The following TTF1 variants were observed in gnomAD, a reference collection of about 807,000 sequenced individuals.
TTF1 encodes the protein transcription termination factor 1.
A neutral mutation model predicts 80.2 loss-of-function variants in TTF1; 64 were observed. That is an observed-to-expected ratio of 0.80 (90% confidence interval 0.65 to 0.98). The LOEUF (loss-of-function observed/expected upper bound fraction) is 0.98, where lower values mean the gene tolerates loss of function less well. Ranked by LOEUF, TTF1 falls within the 50% of genes least tolerant of loss-of-function variation. TTF1 has a pLI of 0.00. For missense variants in TTF1, 1,023 were observed against 1,086.2 expected, an observed-to-expected ratio of 0.94 and a Z score of 0.82; for synonymous variants, 372 against 382.7, an observed-to-expected ratio of 0.97 and a Z score of 0.33.
intron 9 of TTF1, among the ~76,000 whole-genome samples, chr9:132,381,474 A>C (rs984781170): frequency 6.6e-6 from 1 of 152,166 alleles, no homozygotes; most frequent in Admixed American, 6.5e-5. Flanking sequence ...ACAGGCGTGA[A>C]TCACCACGCC....
intron 5 of TTF1, among the ~76,000 whole-genome samples, chr9:132,395,915 C>CA (rs1411340994): frequency 2.6e-5 from 4 of 152,148 alleles, no homozygotes; most frequent in African/African-American, 9.7e-5. Context: ...GTGTTGGAAA[C>CA]AAATTATAAT....
In TTF1 at chr9:132,390,816, GCAC is replaced by G; in HGVS notation, c.2000_2002del (p.Gly667del). 6.2e-7 allele frequency: 1 copy of G among 1,613,874 alleles called. No individual in the cohort carries two copies. Among genetic ancestry groups the G allele is most frequent in the Non-Finnish European group, 8.5e-7 (1 of 1,179,946 alleles). ...TTTCCGGGTTTCAGACTTACTCCAAGCACCACGATTTCTTTCTGTAGATATAAA... is the reference window on the plus strand; with the variant it reads ...TTTCCGGGTTTCAGACTTACTCCAAGCACGATTTCTTTCTGTAGATATAAA... On this transcript the variant is annotated inframe_deletion, in exon 7 of 11. Coordinates refer to ENST00000334270, the MANE Select transcript of TTF1 (RefSeq NM_007344.4).
At chr9:132,393,935 T>C (rs532598718) in intron 5 of TTF1, among the ~76,000 whole-genome samples, 3 of 152,064 alleles carry the variant, frequency 2.0e-5, no homozygotes, top group East Asian at 1.9e-4. Flanking sequence ...TTTTTTTTTT[T>C]CTTTGAGACA....
At position 132,390,662 on chromosome 9, in the gene TTF1, G is replaced by A. The variant is rs760662929; in HGVS notation, c.2157C>T (p.Gly719=). ...TAGCTTCTACTTCTACCCAAGATAT[G>A]CCCTTGTAGAGTTTTTCCCGAACAA... ...LSIVREKLYK[G]ISWVEVEAKV... Residue 719 remains glycine (G), a synonymous_variant, in exon 7 of 11, where the codon GGC becomes GGT. Coordinates refer to ENST00000334270, the MANE Select transcript of TTF1 (RefSeq NM_007344.4). 1.2e-6 allele frequency: 2 copies of A among 1,614,174 alleles called. No homozygotes were observed. Among genetic ancestry groups the A allele is most frequent in the Non-Finnish European group, 1.7e-6 (2 of 1,180,044 alleles).
At chr9:132,399,393 G>T (rs1849718060) in intron 3 of TTF1, among the ~76,000 whole-genome samples, 1 of 151,860 alleles carries the variant, frequency 6.6e-6, no homozygotes, top group Admixed American at 6.6e-5. Flanking sequence ...GGAAGGTTAT[G>T]ACTCCTCTTT....
At chr9:132,398,421 C>A in intron 3 of TTF1, 95 bp from the exon 4 acceptor site, 1 of 1,302,456 alleles carries the variant, frequency 7.7e-7, no homozygotes, top group East Asian at 2.5e-5. Context: ...GACAGTACCT[C>A]GGCCCAACAG....
chr9:132,388,035 G>C (rs1427215085), intron 8 of TTF1, 104 bp downstream of exon 8: 5 of 798,616 alleles, frequency 6.3e-6, no homozygotes, highest in Non-Finnish European at 1.0e-5. Context: ...GCTGGAACAG[G>C]GATTTGGACC....
chr9:132,390,514 A>G (rs756304185), intron 7 of TTF1, 83 bp downstream of exon 7: 2 of 1,355,336 alleles, frequency 1.5e-6, no homozygotes, highest in Non-Finnish European at 1.0e-6. Context: ...CAGCTTCCCC[A>G]CGGCAGTTAC....
chr9:132,380,280 T>C lies in TTF1; in HGVS notation c.2379-1136A>G, dbSNP rs142937035. Among the ~76,000 whole-genome samples the C allele has an allele frequency of 3.4e-3, 520 of 152,280 alleles. 2 individuals carry two copies. The highest frequency in any genetic ancestry group is 4.7e-3 in the Non-Finnish European group (318 of 68,018). On this transcript the variant is annotated intron_variant, in intron 9 of 10. Coordinates refer to ENST00000334270, the MANE Select transcript of TTF1 (RefSeq NM_007344.4). ...TTTTAGTAAAGATAGGGCTTCACCA[T>C]GCTGGCCAGACTGGTCTTGAACTCC... is the stretch of plus-strand genomic sequence containing the variant.
intron 4 of TTF1, among the ~76,000 whole-genome samples, chr9:132,397,556 A>G (rs1192234262): frequency 1.3e-5 from 2 of 152,228 alleles, no homozygotes; most frequent in African/African-American, 4.8e-5. Flanking sequence ...ACAAAATATA[A>G]ATAAGGAACA....
chr9:132,393,687 T>G (rs976238990), intron 5 of TTF1, among the ~76,000 whole-genome samples: 1 of 152,220 alleles, frequency 6.6e-6, no homozygotes, highest in African/African-American at 2.4e-5. Context: ...TTTCTGTGTG[T>G]GTGTCTTTAA....
intron 10 of TTF1, among the ~76,000 whole-genome samples, chr9:132,377,303 GGTGTGAGTGCATGTGGT>G (rs1564180911): frequency 3.8e-5 from 5 of 130,190 alleles, no homozygotes; most frequent in Non-Finnish European, 1.6e-5. Context: ...GAATGCATGT[GGTGTGAGTGCATGTGGT>G]GTGTGTGTGA....
At chr9:132,385,626 C>A (rs1849452439) in intron 9 of TTF1, among the ~76,000 whole-genome samples, 2 of 152,228 alleles carry the variant, frequency 1.3e-5, no homozygotes, top group Admixed American at 6.5e-5. Flanking sequence ...TACCCTGCCA[C>A]CGCTTCTGCT....
intron 9 of TTF1, among the ~76,000 whole-genome samples, chr9:132,383,193 A>G (rs1849401341): frequency 6.6e-6 from 1 of 150,566 alleles, no homozygotes; most frequent in Admixed American, 6.6e-5. Flanking sequence ...GGGTGCAGTG[A>G]GCTGAGATCA....
intron 5 of TTF1, among the ~76,000 whole-genome samples, chr9:132,393,757 T>A (rs937599651): frequency 2.0e-5 from 3 of 152,152 alleles, no homozygotes; most frequent in Admixed American, 6.6e-5. Flanking sequence ...CAAACACATA[T>A]ATTAAAGTAC....
At chr9:132,406,506 G>A (rs1319766595) in intron 1 of TTF1, among the ~76,000 whole-genome samples, 1 of 151,952 alleles carries the variant, frequency 6.6e-6, no homozygotes, top group Non-Finnish European at 1.5e-5. Context: ...GGAGGCTGAG[G>A]CAGGAGAATC....
chr9:132,386,302 G>C (rs576454686), intron 9 of TTF1, among the ~76,000 whole-genome samples: 1 of 152,156 alleles, frequency 6.6e-6, no homozygotes, highest in Non-Finnish European at 1.5e-5. Flanking sequence ...TATCCAACTA[G>C]TGATGTATTT....
intron 4 of TTF1, 48 bp from the exon 5 acceptor site, chr9:132,396,559 C>G (rs763405044): frequency 6.4e-7 from 1 of 1,558,648 alleles, no homozygotes; most frequent in South Asian, 1.1e-5. Context: ...GAAATGAAGT[C>G]GCAATTGTAA....
At chr9:132,380,798 T>C (rs2131622872) in intron 9 of TTF1, among the ~76,000 whole-genome samples, 1 of 152,372 alleles carries the variant, frequency 6.6e-6, no homozygotes, top group South Asian at 2.1e-4. Context: ...AAATAGTATT[T>C]GACTAGATGC....
Sources: gnomAD v4.1 joint callset for allele counts (sites outside exome capture counted in the v4.1 genomes callset) on GRCh38, gnomAD v4.1.1 for gene constraint, MANE v1.5 for transcripts, NCBI Gene and HGNC (gene_info 2026-07-23, HGNC 2026-07-21) for gene names.